Variants in MED20 observed in about 807,000 individuals in gnomAD.
The protein encoded by MED20 is mediator of RNA polymerase II transcription subunit 20.
Under a neutral mutation model 19.7 loss-of-function variants are expected in MED20, and 19 were observed. The ratio of observed to expected loss-of-function variants is 0.96; its 90% CI spans 0.67 to 1.42. MED20 has a LOEUF of 1.42. Ranked by LOEUF, MED20 falls within the 40% of genes most tolerant of loss-of-function variation. The pLI is 0.00. For missense variants in MED20, 225 were observed against 273.0 expected, an observed-to-expected ratio of 0.82 and a Z score of 1.24; for synonymous variants, 105 against 104.8, an observed-to-expected ratio of 1.00 and a Z score of -0.01.
chr6:41,910,602 A>C (rs551281504), intron 2 of MED20, among the ~76,000 whole-genome samples: 1 of 151,016 alleles, frequency 6.6e-6, no homozygotes, highest in South Asian at 2.1e-4. Context: ...ACTGCACTCC[A>C]GTCTGGGCAA....
Position 41,907,033 on chromosome 6 carries a change from T to C in MED20, c.*39A>G, listed in dbSNP as rs771690505. Reference sequence around the variant, plus strand: ...GTCAGCACCTGCTCCTCCTGTGGAGTACCCCTGGTGACAGAGCTCAGCTGG... The same window carrying C: ...GTCAGCACCTGCTCCTCCTGTGGAGCACCCCTGGTGACAGAGCTCAGCTGG... On this transcript the variant is annotated 3_prime_UTR_variant, in exon 4 of 4. Coordinates refer to ENST00000265350, the MANE Select transcript of MED20 (RefSeq NM_004275.5). 43 of 1,593,186 alleles carry C rather than the reference T, an allele frequency of 2.7e-5. No homozygotes were observed. Among genetic ancestry groups the C allele is most frequent in the African/African-American group, 4.0e-5 (3 of 74,474 alleles).
intron 2 of MED20, chr6:41,913,185 G>A (rs1241048723): frequency 6.6e-6 from 1 of 152,020 alleles, no homozygotes; most frequent in Non-Finnish European, 1.5e-5. Flanking sequence ...AGAAACTTTG[G>A]CGTGGGGTCT....
intron 1 of MED20, among the ~76,000 whole-genome samples, chr6:41,920,308 T>C (rs1470302495): frequency 1.3e-5 from 2 of 152,094 alleles, no homozygotes; most frequent in East Asian, 1.9e-4. Context: ...AATGAGCAAA[T>C]TAGAAACAGA....
At chr6:41,917,059 C>T in intron 1 of MED20, 120 bp from the exon 2 acceptor site, 7 of 1,039,740 alleles carry the variant, frequency 6.7e-6, no homozygotes, top group South Asian at 1.8e-5. Context: ...AAATTACCTA[C>T]TCTGACCGTC....
At chr6:41,918,781 A>G (rs1418984309) in intron 1 of MED20, among the ~76,000 whole-genome samples, 1 of 150,056 alleles carries the variant, frequency 6.7e-6, no homozygotes, top group African/African-American at 2.5e-5. Context: ...CCCCGTCTCT[A>G]CTAAAAATAC....
Position 41,907,118 on chromosome 6 carries a change from T to C in MED20, c.593A>G (p.Asn198Ser). 6.2e-7 allele frequency: 1 copy of C among 1,614,040 alleles called. No individual in the cohort carries two copies. Among genetic ancestry groups the C allele is most frequent in the Non-Finnish European group, 8.5e-7 (1 of 1,180,014 alleles). Residue 198 changes from asparagine to serine, a missense_variant, in exon 4 of 4, where the codon AAC becomes AGC. Coordinates refer to ENST00000265350, the MANE Select transcript of MED20 (RefSeq NM_004275.5). ...DTMVQYMELF[N>S]KIRKQQQVPV... ...CACCTGCTGCTGCTTGCGGATCTTG[T>C]TGAAGAGTTCCATGTACTGGACCAT...
intron 2 of MED20, among the ~76,000 whole-genome samples, chr6:41,912,199 C>CTTTTTTTTTT (rs887419565): frequency 8.4e-6 from 1 of 119,294 alleles, no homozygotes. Flanking sequence ...CCATGCCCAC[C>CTTTTTTTTTT]TTTTTTTTTT....
chr6:41,908,416 T>C (rs1194012414), intron 3 of MED20, among the ~76,000 whole-genome samples: 2 of 152,184 alleles, frequency 1.3e-5, no homozygotes, highest in Admixed American at 6.5e-5. Flanking sequence ...TATATGTGTA[T>C]GTATACACAG....
chr6:41,909,173 C>CAA (rs11418802), intron 3 of MED20, 96 bp downstream of exon 3: 16,050 of 1,297,748 alleles, frequency 0.012, no homozygotes, highest in Middle Eastern at 0.017. Context: ...GACTCTGTCT[C>CAA]AAAAAAAAAA....
rs142006963 is a variant in MED20, at chr6:41,916,889, T to C, written c.65A>G (p.Glu22Gly). The C allele has an allele frequency of 6.2e-7, 1 of 1,613,996 alleles. No individual in the cohort carries two copies. The highest frequency in any genetic ancestry group is 1.3e-5 in the African/African-American group (1 of 74,888). ...CATCTCCAATTTCCGGGTAAGGAGC[T>C]CTACGGTTTGCTGAACACTCTTGCC... ...AEGKSVQQTV[E>G]LLTRKLEMLG... The change falls in exon 2 of 4, where the codon GAG becomes GGG. Residue 22 changes from glutamate to glycine, a missense_variant. Coordinates refer to ENST00000265350, the MANE Select transcript of MED20 (RefSeq NM_004275.5).
At chr6:41,914,047 G>A (rs1775257466) in intron 2 of MED20, among the ~76,000 whole-genome samples, 1 of 152,226 alleles carries the variant, frequency 6.6e-6, no homozygotes, top group Non-Finnish European at 1.5e-5. Flanking sequence ...GCCCATGTCA[G>A]ATAGTTTTGG....
At position 41,915,789 on chromosome 6, in the gene MED20, A is replaced by AACACACACACACACAC. The variant is rs34924867; in HGVS notation, c.169+995_169+996insGTGTGTGTGTGTGTGT. On this transcript the variant is annotated intron_variant, in intron 2 of 3. Coordinates refer to ENST00000265350, the MANE Select transcript of MED20 (RefSeq NM_004275.5). ...GCGACAGAGCCAGACTCCGTCTCAA[A>AACACACACACACACAC]ACACACACACACATAAATACTCACA... Among the ~76,000 whole-genome samples the AACACACACACACACAC allele has an allele frequency of 3.7e-3, 551 of 148,700 alleles. 2 individuals are homozygous for AACACACACACACACAC. Among genetic ancestry groups the AACACACACACACACAC allele is most frequent in the African/African-American group, 7.5e-3 (299 of 39,874 alleles).
chr6:41,917,060 T>C (rs1045343216), intron 1 of MED20, 121 bp from the exon 2 acceptor site: 1 of 1,036,112 alleles, frequency 9.7e-7, no homozygotes, highest in Admixed American at 2.5e-5. Context: ...AATTACCTAC[T>C]CTGACCGTCT....
chr6:41,909,863 T>C (rs1389733488), intron 2 of MED20, among the ~76,000 whole-genome samples: 1 of 152,190 alleles, frequency 6.6e-6, no homozygotes, highest in African/African-American at 2.4e-5. Context: ...AGACTTTACG[T>C]ATAATCTTTT....
chr6:41,920,986 A>G lies in MED20; in HGVS notation c.14+19T>C, dbSNP rs776430671. The G allele has an allele frequency of 6.2e-7, 1 of 1,609,064 alleles. No homozygotes were observed. On this transcript the variant is annotated intron_variant, in intron 1 of 3. Transcript: ENST00000265350. ...TCACAACTCCAAGCCCCGCCCCACA[A>G]AACCCCCTGCAGTCCTACCAAGTCA...
chr6:41,916,595 A>G (rs376504139), intron 2 of MED20, among the ~76,000 whole-genome samples, 190 bp downstream of exon 2: 1 of 152,186 alleles, frequency 6.6e-6, no homozygotes, highest in East Asian at 1.9e-4. Context: ...AAATAAAATA[A>G]AATAAAATAA....
rs1332601159 is a variant in MED20, at chr6:41,907,027, G to A, written c.*45C>T. 5 of 1,583,184 alleles carry A rather than the reference G, an allele frequency of 3.2e-6. No homozygotes were observed. The highest frequency in any genetic ancestry group is 4.3e-6 in the Non-Finnish European group (5 of 1,155,448). ...CTGAAAGTCAGCACCTGCTCCTCCT[G>A]TGGAGTACCCCTGGTGACAGAGCTC... On this transcript the variant is annotated 3_prime_UTR_variant, in exon 4 of 4. Coordinates refer to ENST00000265350, the MANE Select transcript of MED20 (RefSeq NM_004275.5).
chr6:41,919,128 CAAA>C (rs35512146), intron 1 of MED20, among the ~76,000 whole-genome samples: 1 of 44,884 alleles, frequency 2.2e-5, no homozygotes, highest in Non-Finnish European at 4.4e-5. Context: ...GACTCTGCCT[CAAA>C]AAAAAAAAAA....
At chr6:41,919,769 C>CT in intron 1 of MED20, among the ~76,000 whole-genome samples, 1 of 152,110 alleles carries the variant, frequency 6.6e-6, no homozygotes, top group East Asian at 1.9e-4. Context: ...ATTTCTATTT[C>CT]TTTAAAAAAA....
Sources: allele counts gnomAD v4.1 joint callset (sites outside exome capture counted in the v4.1 genomes callset), GRCh38; gene constraint gnomAD v4.1.1; transcripts MANE v1.5; gene names NCBI Gene and HGNC (gene_info 2026-07-23, HGNC 2026-07-21).